TMEM127: variants seen among roughly 807,000 people sequenced by gnomAD.
TMEM127 encodes transmembrane protein 127.
In TMEM127, 21 loss-of-function variants were observed where a neutral mutation model predicts 20.1. The ratio of observed to expected loss-of-function variants is 1.04; its 90% CI spans 0.74 to 1.50. The LOEUF is 1.50. Among genes scored for constraint, TMEM127 ranks in the 40% most tolerant of loss-of-function variants. The pLI is 0.00. For synonymous variants in TMEM127, 150 were observed against 144.7 expected (o/e 1.04, Z -0.26); for missense variants, 303 against 317.4 (o/e 0.95, Z 0.34).
Position 96,253,884 on chromosome 2 carries a change from A to G in TMEM127, c.641T>C (p.Met214Thr), listed in dbSNP as rs765050645. ...CGCCGGGTAGGGCTCGTTCTCTTCC[A>G]TCTCTGAGAGCAGCTCCAGCGCCTG... ...EEQALELLSEMEENEPYPAEY... is the reference protein window; with the variant it reads ...EEQALELLSETEENEPYPAEY... Residue 214 changes from methionine (M) to threonine (T), a missense_variant, in exon 4 of 4, where the codon ATG (methionine) becomes ACG (threonine). Transcript: ENST00000258439. The surrounding 1 kb of genome is among the most constrained non-coding windows in gnomAD (Gnocchi z 4.3). 1 of 1,614,114 alleles carries G rather than the reference A, an allele frequency of 6.2e-7. No homozygotes were observed. Among genetic ancestry groups the G allele is most frequent in the South Asian group, 1.1e-5 (1 of 91,078 alleles).
intron 2 of TMEM127, among the ~76,000 whole-genome samples, chr2:96,263,359 T>TC (rs1684349057): frequency 6.7e-6 from 1 of 149,696 alleles, no homozygotes; most frequent in African/African-American, 2.4e-5. Context: ...TCCTGGCCTT[T>TC]CTTTTTTTTT....
At position 96,255,005 on chromosome 2, in the gene TMEM127, G is replaced by C; in HGVS notation, c.245-8C>G. On this transcript the variant is annotated splice_polypyrimidine_tract_variant and splice_region_variant and intron_variant, in intron 2 of 3. Coordinates refer to ENST00000258439, the MANE Select transcript of TMEM127 (RefSeq NM_017849.4). ...GGGGATTCATGCAGAAATCTGTAGA[G>C]GGAGAACCAAATTTTCACGGCCCCA... 1 of 1,614,100 alleles carries C rather than the reference G, an allele frequency of 6.2e-7. No homozygotes were observed. The highest frequency in any genetic ancestry group is 8.5e-7 in the Non-Finnish European group (1 of 1,179,984).
At chr2:96,262,227 C>T (rs4907308) in intron 2 of TMEM127, among the ~76,000 whole-genome samples, 40,677 of 150,858 alleles carry the variant, frequency 0.27, 6,716 homozygotes, top group South Asian at 0.67. Flanking sequence ...CCGCTGCACT[C>T]CAGCCTGGGT....
At chr2:96,254,184 C>G (rs1236096821) in intron 3 of TMEM127, 69 bp from the exon 4 acceptor site, 29 of 1,583,948 alleles carry the variant, frequency 1.8e-5, no homozygotes, top group Non-Finnish European at 2.4e-5. Context: ...CTTGAGGACC[C>G]AATCACAGCC....
rs944608599 is a variant in TMEM127, at chr2:96,249,167, G to A, written c.*4641C>T. The A allele has an allele frequency of 4.0e-5, 9 of 222,344 alleles. No homozygotes were observed. Among genetic ancestry groups the A allele is most frequent in the African/African-American group, 1.3e-4 (6 of 44,612 alleles). The allele number at this position is 222,344 out of a possible 1,614,324, so 13.8% of individuals were successfully genotyped here. The stretch of plus-strand genomic sequence containing the variant: ...GGCTGGAGTCCAGTGGCATGATCTC[G>A]GCTCACTGCAACCTCTGCCTCCCGG... On this transcript the variant is annotated 3_prime_UTR_variant, in exon 4 of 4. Transcript: ENST00000258439.
In TMEM127 at chr2:96,250,032, C is replaced by T. The variant is rs908770096; in HGVS notation, c.*3776G>A. On this transcript the variant is annotated 3_prime_UTR_variant, in exon 4 of 4. Coordinates refer to ENST00000258439, the MANE Select transcript of TMEM127 (RefSeq NM_017849.4). The stretch of plus-strand genomic sequence containing the variant: ...TCCAGCACCTGGCTGAGACACTGGG[C>T]CCTGGGATTGACTGTGACCGCCCTC... 9 of 233,316 alleles carry T rather than the reference C, an allele frequency of 3.9e-5. No individual in the cohort carries two copies. The highest frequency in any genetic ancestry group is 2.8e-4 in the Admixed American group (5 of 17,792). 14.5% of individuals were successfully genotyped at this position (233,316 alleles called of 1,614,324 possible).
In TMEM127 at chr2:96,253,540, C is replaced by G; in HGVS notation, c.*268G>C. The G allele has an allele frequency of 2.0e-6, 1 of 492,226 alleles. No individual in the cohort carries two copies. 30.5% of individuals were successfully genotyped at this position (492,226 alleles called of 1,614,324 possible). ...CCATGCTGGAGGAAACTTGGATGAC[C>G]TTCCCTGGCTGGTAATGACTCGTGA... is the stretch of plus-strand genomic sequence containing the variant. On this transcript the variant is annotated 3_prime_UTR_variant, in exon 4 of 4. Coordinates refer to ENST00000258439, the MANE Select transcript of TMEM127 (RefSeq NM_017849.4). The surrounding 1 kb of genome is among the most constrained non-coding windows in gnomAD (Gnocchi z 4.3).
chr2:96,256,483 A>G (rs1392745767), intron 2 of TMEM127, among the ~76,000 whole-genome samples: 1 of 150,850 alleles, frequency 6.6e-6, no homozygotes, highest in Non-Finnish European at 1.5e-5. Flanking sequence ...AGGCAGGAGA[A>G]TTGCTTGAAC....
rs759261535 is a variant in TMEM127, at chr2:96,254,860, G to A, written c.382C>T (p.Arg128Cys). 7 of 1,614,068 alleles carry A rather than the reference G, an allele frequency of 4.3e-6. No homozygotes were observed. The highest frequency in any genetic ancestry group is 1.7e-5 in the Admixed American group (1 of 60,020). ...GTTAGGATATGGGCGAAGGCATAGC[G>A]ACGAGTGATCTTCAGAGCAGGATGC... is the stretch of plus-strand genomic sequence containing the variant. ...PKHPALKITR[R>C]YAFAHILTVL... The change falls in exon 3 of 4, where the codon CGC becomes TGC. Residue 128 changes from arginine to cysteine, a missense_variant. Coordinates refer to ENST00000258439, the MANE Select transcript of TMEM127 (RefSeq NM_017849.4).
chr2:96,257,316 G>A (rs1220120503), intron 2 of TMEM127, among the ~76,000 whole-genome samples: 1 of 151,694 alleles, frequency 6.6e-6, no homozygotes, highest in Admixed American at 6.6e-5. Flanking sequence ...ACAAAAATTA[G>A]CCGGCCGTGG....
rs1281039889 is a variant in TMEM127 at position 96,265,240 on chromosome 2, G to A, written c.142C>T (p.Leu48Phe). 6.3e-7 allele frequency: 1 copy of A among 1,598,090 alleles called. No homozygotes were observed. Among genetic ancestry groups the A allele is most frequent in the Non-Finnish European group, 8.5e-7 (1 of 1,175,766 alleles). ...ALSITALCTA[L>F]AEPAWLHIHG... The stretch of plus-strand genomic sequence containing the variant: ...ATGTGCAACCAGGCGGGCTCGGCGA[G>A]GGCAGTGCACAGCGCCGTGATAGAC... Residue 48 changes from leucine (L) to phenylalanine (F), a missense_variant, in exon 2 of 4, where the codon CTC becomes TTC. Physicochemically the swap from Leu to Phe is conservative, Grantham distance 22 (BLOSUM62 0). Coordinates refer to ENST00000258439, the MANE Select transcript of TMEM127 (RefSeq NM_017849.4).
rs1684102008 is a variant in TMEM127, at chr2:96,252,004, G to C, written c.*1804C>G. 4.3e-6 allele frequency: 1 copy of C among 233,318 alleles called. No individual in the cohort carries two copies. The highest frequency in any genetic ancestry group is 1.8e-4 in the South Asian group (1 of 5,534). 14.5% of individuals were successfully genotyped at this position (233,318 alleles called of 1,614,324 possible). On this transcript the variant is annotated 3_prime_UTR_variant, in exon 4 of 4. Coordinates refer to ENST00000258439, the MANE Select transcript of TMEM127 (RefSeq NM_017849.4). This position sits in a 1 kb window ranked among gnomAD's most constrained non-coding sequence, Gnocchi z 4.2. ...GGACTTAACAGAAAGACTTAGTTCA[G>C]TTCCTTGGCTTTGTGCTCAGGCATC...
In TMEM127 at chr2:96,254,881, G is replaced by T; in HGVS notation, c.361C>A (p.Pro121Thr). Residue 121 changes from proline (P) to threonine (T), a missense_variant, in exon 3 of 4, where the codon CCT (proline) becomes ACT (threonine). Transcript: ENST00000258439. ...TAGCGACGAGTGATCTTCAGAGCAGGATGCTTCGGCCCAAAGACATCCAGA... is the reference window on the plus strand; with the variant it reads ...TAGCGACGAGTGATCTTCAGAGCAGTATGCTTCGGCCCAAAGACATCCAGA... ...FLLDVFGPKH[P>T]ALKITRRYAF... 1.2e-6 allele frequency: 2 copies of T among 1,614,132 alleles called. No homozygotes were observed.
chr2:96,258,323 A>ACCTGGACC (rs1460459979), intron 2 of TMEM127, among the ~76,000 whole-genome samples: 3 of 152,148 alleles, frequency 2.0e-5, no homozygotes, highest in Non-Finnish European at 4.4e-5. Flanking sequence ...AAGTCCAGGA[A>ACCTGGACC]CCTGGGGAGG....
rs1553437754 is a variant in TMEM127, at chr2:96,265,374, G to A, written c.8C>T (p.Ala3Val). The change falls in exon 2 of 4, where the codon GCC becomes GTC. Residue 3 changes from alanine (A) to valine (V), a missense_variant. Coordinates refer to ENST00000258439, the MANE Select transcript of TMEM127 (RefSeq NM_017849.4). ...GCCGGGCAGCCCTGCGCCTCCGGGG[G>A]CGTACATGCCCGGGGCCGCCCGCCG... MY[A>V]PGGAGLPGGR... is the part of the protein sequence containing the mutation. 2 of 1,460,706 alleles carry A rather than the reference G, an allele frequency of 1.4e-6. No homozygotes were observed. The highest frequency in any genetic ancestry group is 2.4e-5 in the Admixed American group (1 of 41,132). 90.5% of individuals were successfully genotyped at this position (1,460,706 alleles called of 1,614,324 possible).
intron 2 of TMEM127, chr2:96,260,426 AC>A (rs1230936331): frequency 1.3e-5 from 2 of 152,214 alleles, no homozygotes; most frequent in African/African-American, 4.8e-5. Flanking sequence ...GCAACGCAGG[AC>A]CCTAACTTGA....
In TMEM127 at chr2:96,263,360, C is replaced by CT. The variant is rs1157265984; in HGVS notation, c.244+1777dup. On this transcript the variant is annotated intron_variant, in intron 2 of 3. Coordinates refer to ENST00000258439, the MANE Select transcript of TMEM127 (RefSeq NM_017849.4). Reference sequence around the variant, plus strand: ...AAGTGTGAGCCAGTTCCTGGCCTTTCTTTTTTTTTTTTTTTTTTTGAGATG... The same window carrying CT: ...AAGTGTGAGCCAGTTCCTGGCCTTTCTTTTTTTTTTTTTTTTTTTTGAGATG... Among the ~76,000 whole-genome samples the CT allele has an allele frequency of 8.7e-3, 947 of 109,386 alleles. 15 individuals are homozygous for CT. Among genetic ancestry groups the CT allele is most frequent in the East Asian group, 0.07 (259 of 3,712 alleles). 71.8% of individuals were successfully genotyped at this position (109,386 alleles called of 152,430 possible). A position where few individuals can be genotyped will look rare whatever the true frequency, so the allele number is the denominator to read the frequency against.
At chr2:96,257,792 G>A (rs1051765226) in intron 2 of TMEM127, among the ~76,000 whole-genome samples, 29 of 151,904 alleles carry the variant, frequency 1.9e-4, no homozygotes, top group East Asian at 1.9e-4. Flanking sequence ...GCGTGCACCT[G>A]TAGTCCCAGC....
At chr2:96,263,278 C>T (rs537831243) in intron 2 of TMEM127, among the ~76,000 whole-genome samples, 3 of 151,354 alleles carry the variant, frequency 2.0e-5, no homozygotes, top group African/African-American at 7.3e-5. Context: ...AAGCTGGTCT[C>T]CAACTCTTGA....
Sources: allele counts gnomAD v4.1 joint callset (sites outside exome capture counted in the v4.1 genomes callset), GRCh38; gene constraint gnomAD v4.1.1; non-coding constraint Gnocchi (gnomAD v3.1); transcripts MANE v1.5; gene names NCBI Gene and HGNC (gene_info 2026-07-23, HGNC 2026-07-21).